PRKN: variants seen among roughly 807,000 people sequenced by gnomAD.
PRKN encodes the protein parkin RBR E3 ubiquitin protein ligase, also known as E3 ubiquitin-protein ligase parkin.
In PRKN, 56 loss-of-function variants were observed where a neutral mutation model predicts 59.5. The observed-to-expected ratio is 0.94, with a 90% CI of 0.76 to 1.18. PRKN has a LOEUF of 1.18. Ranked by LOEUF, PRKN falls within the 50% of genes most tolerant of loss-of-function variation. The pLI is 0.00. For missense variants in PRKN, 657 were observed against 596.4 expected (o/e 1.10, Z -1.06); for synonymous variants, 250 against 222.1 (o/e 1.13, Z -1.12).
intron 5 of PRKN, among the ~76,000 whole-genome samples, chr6:161,985,224 T>C (rs1013189367): frequency 2.6e-5 from 4 of 152,238 alleles, no homozygotes; most frequent in Non-Finnish European, 5.9e-5. Context: ...ATTCTAGCTG[T>C]TCTTTCTCTC....
intron 5 of PRKN, among the ~76,000 whole-genome samples, chr6:162,005,767 AC>A: frequency 6.6e-6 from 1 of 152,204 alleles, no homozygotes; most frequent in East Asian, 1.9e-4. Context: ...ATCAAATCTA[AC>A]CTTTTTTGGG....
At chr6:161,375,843 G>T (rs1237911416) in intron 10 of PRKN, among the ~76,000 whole-genome samples, 1 of 152,228 alleles carries the variant, frequency 6.6e-6, no homozygotes, top group East Asian at 1.9e-4. Flanking sequence ...CTTTAATGGA[G>T]ATCTGTCGCA....
At chr6:162,540,018 T>C (rs1029661852) in intron 1 of PRKN, among the ~76,000 whole-genome samples, 2 of 151,804 alleles carry the variant, frequency 1.3e-5, no homozygotes, top group Non-Finnish European at 2.9e-5. Context: ...CAGGTTCAAG[T>C]GGTTCTCCTA....
chr6:161,814,815 C>T (rs1039466465), intron 6 of PRKN, among the ~76,000 whole-genome samples: 1 of 152,148 alleles, frequency 6.6e-6, no homozygotes, highest in African/African-American at 2.4e-5. Context: ...AACTGCCTTT[C>T]ATAGAACTAT....
At chr6:162,040,991 C>G (rs1244655491) in intron 5 of PRKN, among the ~76,000 whole-genome samples, 1 of 151,644 alleles carries the variant, frequency 6.6e-6, no homozygotes, top group Non-Finnish European at 1.5e-5. Flanking sequence ...TCAAGACCAG[C>G]CTGGCCAACA....
intron 7 of PRKN, among the ~76,000 whole-genome samples, chr6:161,772,662 C>T (rs2128203142): frequency 6.6e-6 from 1 of 152,262 alleles, no homozygotes; most frequent in East Asian, 1.9e-4. Flanking sequence ...GTCATCCAAG[C>T]AATTCTTCCC....
intron 7 of PRKN, among the ~76,000 whole-genome samples, chr6:161,642,893 G>C (rs4455646): frequency 2.0e-5 from 3 of 152,146 alleles, no homozygotes; most frequent in African/African-American, 7.2e-5. Flanking sequence ...TTTAATGGAA[G>C]ATCAAAGCCT....
chr6:161,616,569 A>G (rs1033850219), intron 7 of PRKN, among the ~76,000 whole-genome samples: 1 of 150,966 alleles, frequency 6.6e-6, no homozygotes, highest in Non-Finnish European at 1.5e-5. Flanking sequence ...CTAGCCCCCC[A>G]CCACCCAACG....
intron 1 of PRKN, among the ~76,000 whole-genome samples, chr6:162,695,895 C>A (rs1399921453): frequency 6.6e-6 from 1 of 152,094 alleles, no homozygotes; most frequent in Non-Finnish European, 1.5e-5. Flanking sequence ...AAGCTAGAGT[C>A]CAAATATTGG....
intron 6 of PRKN, among the ~76,000 whole-genome samples, chr6:161,911,296 T>A (rs986763378): frequency 1.3e-5 from 2 of 152,126 alleles, no homozygotes; most frequent in African/African-American, 2.4e-5. Flanking sequence ...CTCCCCTTTG[T>A]GACAGGCTGG....
chr6:162,171,470 T>C (rs368345408), intron 4 of PRKN, among the ~76,000 whole-genome samples: 1 of 152,164 alleles, frequency 6.6e-6, no homozygotes, highest in East Asian at 1.9e-4. Context: ...CACCGCTCCG[T>C]TTCAGATTCC....
At chr6:162,572,130 T>G (rs769271863) in intron 1 of PRKN, among the ~76,000 whole-genome samples, 1 of 152,210 alleles carries the variant, frequency 6.6e-6, no homozygotes, top group Non-Finnish European at 1.5e-5. Flanking sequence ...CTTTAGGTAC[T>G]GTCTCACCTG....
In PRKN at chr6:161,886,245, G is replaced by A. The variant is rs546222157; in HGVS notation, c.734+87057C>T. Among the ~76,000 whole-genome samples the A allele has an allele frequency of 5.3e-4, 80 of 152,180 alleles. 1 individual carries two copies. The South Asian group carries it at 0.013, about 25-fold the overall frequency. ...CAAATAGAACATGCATGAATTCGAC[G>A]AAATACAGATTTACTGATAAATCTC... On this transcript the variant is annotated intron_variant, in intron 6 of 11. Coordinates refer to ENST00000366898, the MANE Select transcript of PRKN (RefSeq NM_004562.3).
intron 2 of PRKN, among the ~76,000 whole-genome samples, chr6:162,400,699 G>T (rs1391990560): frequency 6.6e-6 from 1 of 152,088 alleles, no homozygotes; most frequent in African/African-American, 2.4e-5. Flanking sequence ...AAAATGGGAG[G>T]TGAACCAGAA....
intron 1 of PRKN, among the ~76,000 whole-genome samples, chr6:162,451,243 C>G (rs971487267): frequency 2.0e-5 from 3 of 151,492 alleles, no homozygotes; most frequent in South Asian, 2.1e-4. Flanking sequence ...TTCAAAGAAC[C>G]ATGAAAGTAA....
chr6:161,648,016 G>C (rs899514931), intron 7 of PRKN, among the ~76,000 whole-genome samples: 2 of 152,064 alleles, frequency 1.3e-5, no homozygotes, highest in African/African-American at 4.8e-5. Context: ...TGTTTACTTG[G>C]GCATTTATTA....
chr6:161,563,525 T>A (rs893219278), intron 8 of PRKN, among the ~76,000 whole-genome samples: 1 of 152,162 alleles, frequency 6.6e-6, no homozygotes, highest in African/African-American at 2.4e-5. Flanking sequence ...GCCAAAGAAT[T>A]TGGACTAGGG....
At chr6:162,580,305 G>A (rs753439235) in intron 1 of PRKN, among the ~76,000 whole-genome samples, 7 of 152,048 alleles carry the variant, frequency 4.6e-5, no homozygotes, top group African/African-American at 2.4e-5. Context: ...AGGTGTGGTG[G>A]TGCATGCCTG....
At chr6:161,614,859 C>T (rs533919534) in intron 7 of PRKN, among the ~76,000 whole-genome samples, 24 of 152,258 alleles carry the variant, frequency 1.6e-4, no homozygotes, top group Admixed American at 5.2e-4. Flanking sequence ...GCCACTGTGT[C>T]TATTTGGAGG....
Sources: gnomAD v4.1 joint callset for allele counts (sites outside exome capture counted in the v4.1 genomes callset) on GRCh38, gnomAD v4.1.1 for gene constraint, MANE v1.5 for transcripts, NCBI Gene and HGNC (gene_info 2026-07-23, HGNC 2026-07-21) for gene names.